Variants in THOC1 observed in about 807,000 individuals in gnomAD.
THOC1 encodes THO complex 1.
THOC1 carries 29 observed loss-of-function variants against 97.3 expected under a neutral mutation model. That is an observed-to-expected ratio of 0.30 (90% CI 0.22 to 0.41). THOC1 has a LOEUF of 0.41. Ranked by LOEUF, THOC1 falls within the 10% of genes least tolerant of loss-of-function variation. The pLI is 1.00. For synonymous variants in THOC1, 255 were observed against 257.0 expected (o/e 0.99, Z 0.07); for missense variants, 529 against 761.9 (o/e 0.69, Z 3.60).
rs16973195 is a variant in THOC1 at position 223,309 on chromosome 18, G to T, written c.1370+131C>A. ...GGAGTTTTATGGTGGGAAGTTACAC[G>T]CTGCTGTGCCAAAAGTCAACCACAA... On this transcript the variant is annotated intron_variant, in intron 17 of 20. Transcript: ENST00000261600. 720 of 614,266 alleles carry T rather than the reference G, an allele frequency of 1.2e-3. 1 individual carries two copies. In the African/African-American group the frequency reaches 0.012, roughly 10 times the overall value. 38.1% of individuals were successfully genotyped at this position (614,266 alleles called of 1,614,324 possible).
intron 10 of THOC1, among the ~76,000 whole-genome samples, chr18:246,947 T>C (rs1037254300): frequency 2.7e-5 from 4 of 147,098 alleles, no homozygotes; most frequent in Admixed American, 2.7e-4. Flanking sequence ...CGAAGAAATA[T>C]GATTTAAGAA....
chr18:224,852 C>G, intron 15 of THOC1, 72 bp downstream of exon 15: 2 of 1,189,576 alleles, frequency 1.7e-6, no homozygotes, highest in Middle Eastern at 2.5e-4. Context: ...CATATCGGAG[C>G]ACATTTTCAA....
chr18:223,596 A>C, intron 16 of THOC1, 91 bp from the exon 17 acceptor site: 1 of 1,051,198 alleles, frequency 9.5e-7, no homozygotes, highest in Non-Finnish European at 1.4e-6. Context: ...CAATGTAAAC[A>C]GTGGATTTGG....
At chr18:243,501 G>T (rs1382888940) in intron 11 of THOC1, among the ~76,000 whole-genome samples, 1 of 151,818 alleles carries the variant, frequency 6.6e-6, no homozygotes, top group Non-Finnish European at 1.5e-5. Context: ...CCACGCCATT[G>T]CACTCCAGCC....
At chr18:261,095 T>G (rs893927297) in intron 4 of THOC1, 5 of 152,190 alleles carry the variant, frequency 3.3e-5, no homozygotes, top group Admixed American at 3.3e-4. Context: ...ATTCAACATT[T>G]AAAATAACAG....
intron 18 of THOC1, among the ~76,000 whole-genome samples, chr18:217,346 T>C (rs1910928437): frequency 6.6e-6 from 1 of 152,264 alleles, no homozygotes; most frequent in Non-Finnish European, 1.5e-5. Context: ...CCTTCCTCTC[T>C]GACATATCTG....
chr18:247,391 C>G (rs1451866134), intron 10 of THOC1, among the ~76,000 whole-genome samples: 1 of 152,158 alleles, frequency 6.6e-6, no homozygotes, highest in Non-Finnish European at 1.5e-5. Context: ...CCTTTATAAT[C>G]TCAGTTGCAA....
chr18:245,649 T>A (rs536818155), intron 11 of THOC1: 1 of 152,570 alleles, frequency 6.6e-6, no homozygotes, highest in African/African-American at 2.4e-5. Context: ...GGTGCACATT[T>A]AGTCTCTGTT....
chr18:216,245 C>T (rs778433446), intron 19 of THOC1: 13 of 415,434 alleles, frequency 3.1e-5, no homozygotes, highest in Non-Finnish European at 4.7e-5. Context: ...AGCCACCGCA[C>T]CCACAGCCCT....
At chr18:224,344 T>A in intron 15 of THOC1, 165 bp from the exon 16 acceptor site, 1 of 538,604 alleles carries the variant, frequency 1.9e-6, no homozygotes, top group East Asian at 3.7e-5. Context: ...TTTGGGAGGC[T>A]GAGGTAGGTG....
At chr18:228,236 A>T (rs957855996) in intron 11 of THOC1, among the ~76,000 whole-genome samples, 15 of 152,056 alleles carry the variant, frequency 9.9e-5, no homozygotes, top group African/African-American at 3.6e-4. Flanking sequence ...TGAAGTCTTC[A>T]ACTCACAATC....
intron 19 of THOC1, chr18:215,900 A>G (rs1486253155): frequency 1.6e-5 from 3 of 193,176 alleles, no homozygotes; most frequent in African/African-American, 4.7e-5. Context: ...GCATTGGCAA[A>G]CAGGAAAAAA....
At chr18:217,163 C>T (rs192162372) in intron 18 of THOC1, among the ~76,000 whole-genome samples, 2 of 152,372 alleles carry the variant, frequency 1.3e-5, no homozygotes, top group African/African-American at 4.8e-5. Flanking sequence ...TTGGAAGTCT[C>T]TTCCTCCCCT....
chr18:252,617 A>G lies in THOC1; in HGVS notation c.604-5T>C, dbSNP rs748530070. 5 of 1,603,694 alleles carry G rather than the reference A, an allele frequency of 3.1e-6. 1 individual carries two copies. The highest frequency in any genetic ancestry group is 2.2e-5 in the South Asian group (2 of 89,102). ...TTCTTCTCTATCTTCAGTGTGCTAA[A>G]TTGAAAAAAAAATGTATAGCCTGTC... On this transcript the variant is annotated splice_region_variant and splice_polypyrimidine_tract_variant and intron_variant, in intron 8 of 20. Coordinates refer to ENST00000261600, the MANE Select transcript of THOC1 (RefSeq NM_005131.3).
chr18:222,777 T>C (rs1207810132), intron 17 of THOC1, among the ~76,000 whole-genome samples: 4 of 152,178 alleles, frequency 2.6e-5, no homozygotes, highest in African/African-American at 9.7e-5. Context: ...CCTTTGTAGG[T>C]TGTCTGTTTT....
chr18:246,268 C>T (rs1024770424), intron 11 of THOC1, 56 bp downstream of exon 11: 23 of 1,320,614 alleles, frequency 1.7e-5, no homozygotes, highest in South Asian at 2.7e-5. Context: ...GTCAGCTAAA[C>T]GGAAATAAAA....
intron 3 of THOC1, 74 bp downstream of exon 3, chr18:265,229 A>G: frequency 1.5e-6 from 2 of 1,304,056 alleles, no homozygotes; most frequent in South Asian, 2.9e-5. Context: ...CCATTCTAAG[A>G]AAAAAAGCAA....
chr18:228,775 G>A (rs918957969), intron 11 of THOC1, among the ~76,000 whole-genome samples: 1 of 152,190 alleles, frequency 6.6e-6, no homozygotes, highest in African/African-American at 2.4e-5. Flanking sequence ...TCAGCTGAAA[G>A]TGAGGTGCCT....
chr18:246,489 T>C (rs1171475547), intron 10 of THOC1, 34 bp from the exon 11 acceptor site: 2 of 1,553,076 alleles, frequency 1.3e-6, no homozygotes, highest in South Asian at 2.4e-5. Context: ...TATTCGACAT[T>C]GTTACCCAAA....
Sources: gnomAD v4.1 joint callset for allele counts (sites outside exome capture counted in the v4.1 genomes callset) on GRCh38, gnomAD v4.1.1 for gene constraint, MANE v1.5 for transcripts, NCBI Gene and HGNC (gene_info 2026-07-23, HGNC 2026-07-21) for gene names.